Variants in ASXL1 observed in about 807,000 individuals in gnomAD.
ASXL1 encodes polycomb group protein ASXL1.
A neutral mutation model predicts 89.1 loss-of-function variants in ASXL1; 65 were observed. The ratio of observed to expected loss-of-function variants is 0.73; its 90% CI spans 0.60 to 0.90. The LOEUF (loss-of-function observed/expected upper bound fraction) is 0.90. Ranked by LOEUF, ASXL1 falls within the 40% of genes least tolerant of loss-of-function variation. ASXL1 has a pLI of 0.00. For synonymous variants in ASXL1, 739 were observed against 746.9 expected (o/e 0.99, Z 0.17); for missense variants, 1,786 against 1,942.9 (o/e 0.92, Z 1.52).
chr20:32,424,263 G>A (rs953327077), intron 4 of ASXL1, among the ~76,000 whole-genome samples: 10 of 152,142 alleles, frequency 6.6e-5, no homozygotes. Context: ...GGCTAGGTAC[G>A]GTGGCTCACA....
intron 9 of ASXL1, 33 bp from the exon 10 acceptor site, chr20:32,431,550 T>C (rs2123236253): frequency 6.2e-7 from 1 of 1,614,070 alleles, no homozygotes; most frequent in Middle Eastern, 1.6e-4. Context: ...TAAGTTTATT[T>C]ATTAGGATTT....
At chr20:32,430,233 CTG>C in intron 8 of ASXL1, 180 bp downstream of exon 8, 3 of 828,542 alleles carry the variant, frequency 3.6e-6, no homozygotes, top group Non-Finnish European at 3.6e-6. Flanking sequence ...CTCTGCTAAA[CTG>C]TGAGAACTCC....
intron 1 of ASXL1, among the ~76,000 whole-genome samples, chr20:32,365,862 G>A (rs1361533210): frequency 6.6e-6 from 1 of 152,140 alleles, no homozygotes; most frequent in Admixed American, 6.5e-5. Context: ...TGGGTACTTG[G>A]CCAGGCGTGG....
chr20:32,396,883 C>T (rs1199830325), intron 4 of ASXL1, among the ~76,000 whole-genome samples: 1 of 151,910 alleles, frequency 6.6e-6, no homozygotes, highest in African/African-American at 2.4e-5. Flanking sequence ...TAACTCTGAA[C>T]AGTGGTATCC....
At position 32,376,863 on chromosome 20, in the gene ASXL1, ATTATATG is replaced by A. The variant is rs1223369088; in HGVS notation, c.252+7747_252+7753del. Among the ~76,000 whole-genome samples the A allele has an allele frequency of 0.012, 1,785 of 143,754 alleles. 101 individuals carry two copies. The East Asian group carries it at 0.18, about 14-fold the overall frequency. 94.3% of individuals were successfully genotyped at this position (143,754 alleles called of 152,430 possible). On this transcript the variant is annotated intron_variant, in intron 4 of 12. Coordinates refer to ENST00000375687, the MANE Select transcript of ASXL1 (RefSeq NM_015338.6). The stretch of plus-strand genomic sequence containing the variant: ...TATCATGATAGATATATAATATATA[ATTATATG>A]TTATATATTTTATATTTATAAAATA...
intron 4 of ASXL1, among the ~76,000 whole-genome samples, chr20:32,385,038 C>G (rs1222889440): frequency 1.3e-5 from 2 of 151,824 alleles, no homozygotes; most frequent in Non-Finnish European, 2.9e-5. Context: ...TCCTTCAGAT[C>G]AGGCTTTTGG....
chr20:32,406,056 C>T (rs1404669782), intron 4 of ASXL1, among the ~76,000 whole-genome samples: 1 of 152,028 alleles, frequency 6.6e-6, no homozygotes, highest in Non-Finnish European at 1.5e-5. Flanking sequence ...TGTTGGTGAT[C>T]CCAGTTCCTT....
At chr20:32,425,780 C>T (rs553727739) in intron 4 of ASXL1, among the ~76,000 whole-genome samples, 2 of 152,132 alleles carry the variant, frequency 1.3e-5, no homozygotes, top group Non-Finnish European at 2.9e-5. Flanking sequence ...AATCTTGGCT[C>T]ACTAACCTCT....
intron 4 of ASXL1, among the ~76,000 whole-genome samples, chr20:32,390,005 T>C (rs1382535629): frequency 6.6e-6 from 1 of 152,268 alleles, no homozygotes; most frequent in Non-Finnish European, 1.5e-5. Flanking sequence ...AATGCAATTA[T>C]CCTAGTACAG....
chr20:32,433,696 G>T lies in ASXL1; in HGVS notation c.1498G>T (p.Ala500Ser). ...GGCTGAGCCAGACAACTTGGCACGT[G>T]CCTCTGCATCTCCAGACAGAATTCC... ...IQAEPDNLAR[A>S]SASPDRIPSL... is the part of the protein sequence containing the mutation. The change falls in exon 12 of 13, where the codon GCC becomes TCC. Residue 500 changes from alanine (A) to serine (S), a missense_variant. By Grantham distance (99) the Ala-to-Ser change is moderately conservative. Around this residue, in one of 3 missense-constraint regions of ASXL1, gnomAD observed 1,418 missense variants for 1,427.8 expected, o/e 0.99. Transcript: ENST00000375687. The T allele has an allele frequency of 6.2e-7, 1 of 1,611,718 alleles. No homozygotes were observed. The highest frequency in any genetic ancestry group is 1.1e-5 in the South Asian group (1 of 91,062).
rs1431666756 is a variant in ASXL1, at chr20:32,433,775, C to T, written c.1577C>T (p.Ser526Phe). The T allele has an allele frequency of 6.2e-7, 1 of 1,614,258 alleles. No homozygotes were observed. Among genetic ancestry groups the T allele is most frequent in the Non-Finnish European group, 8.5e-7 (1 of 1,180,054 alleles). ...GAACCCAAGGATCAGAAGAGGAAAT[C>T]CTTTGAGCAGGCGGCCTCTGCATCC... ...DQEPKDQKRK[S>F]FEQAASASFP... is the part of the protein sequence containing the mutation. Residue 526 changes from serine (S) to phenylalanine (F), a missense_variant, in exon 12 of 13, where the codon TCC becomes TTC. By Grantham distance (155) the Ser-to-Phe change is radical. Around this residue, in one of 3 missense-constraint regions of ASXL1, gnomAD observed 1,418 missense variants for 1,427.8 expected, o/e 0.99. Transcript: ENST00000375687.
At chr20:32,362,016 C>T (rs892050696) in intron 1 of ASXL1, among the ~76,000 whole-genome samples, 2 of 152,060 alleles carry the variant, frequency 1.3e-5, no homozygotes, top group Non-Finnish European at 2.9e-5. Flanking sequence ...TTGCAGTGAA[C>T]CCAGATCACA....
chr20:32,409,748 T>G (rs2049013727), intron 4 of ASXL1, among the ~76,000 whole-genome samples: 1 of 151,958 alleles, frequency 6.6e-6, no homozygotes, highest in African/African-American at 2.4e-5. Flanking sequence ...GAGATCCCTA[T>G]CTTTAAAAAA....
At chr20:32,381,232 A>G (rs900198069) in intron 4 of ASXL1, among the ~76,000 whole-genome samples, 1 of 152,108 alleles carries the variant, frequency 6.6e-6, no homozygotes, top group Admixed American at 6.5e-5. Context: ...TTGAGACAAG[A>G]TTTCCCTCTG....
intron 2 of ASXL1, among the ~76,000 whole-genome samples, chr20:32,367,288 G>A (rs575278545): frequency 6.6e-6 from 1 of 152,200 alleles, no homozygotes; most frequent in South Asian, 2.1e-4. Flanking sequence ...GCGGAGGCTG[G>A]AGAATCGCTT....
intron 4 of ASXL1, among the ~76,000 whole-genome samples, chr20:32,417,770 G>A (rs1430503943): frequency 2.6e-5 from 4 of 152,030 alleles, no homozygotes; most frequent in Non-Finnish European, 5.9e-5. Flanking sequence ...TTTAGGCCAG[G>A]TGTGGTGGCT....
chr20:32,395,979 A>G (rs2048756069), intron 4 of ASXL1, among the ~76,000 whole-genome samples: 1 of 151,984 alleles, frequency 6.6e-6, no homozygotes, highest in South Asian at 2.1e-4. Flanking sequence ...TTGTATTTTT[A>G]GTAGAGACAG....
chr20:32,426,402 A>G (rs898171512), intron 4 of ASXL1, among the ~76,000 whole-genome samples: 2 of 152,032 alleles, frequency 1.3e-5, no homozygotes, highest in African/African-American at 4.8e-5. Context: ...TGCCCATGAG[A>G]GAAGAGAGAT....
intron 4 of ASXL1, among the ~76,000 whole-genome samples, chr20:32,415,097 C>G (rs996652927): frequency 2.0e-5 from 3 of 152,138 alleles, no homozygotes; most frequent in Admixed American, 6.5e-5. Flanking sequence ...CAACCTCTAC[C>G]TCCTGGGTTC....
Sources: allele counts gnomAD v4.1 joint callset (sites outside exome capture counted in the v4.1 genomes callset), GRCh38; gene constraint gnomAD v4.1.1; regional missense constraint gnomAD v4.1.1; transcripts MANE v1.5; gene names NCBI Gene and HGNC (gene_info 2026-07-23, HGNC 2026-07-21).